ASPH: variants seen among roughly 807,000 people sequenced by gnomAD.
The protein encoded by ASPH is aspartyl/asparaginyl beta-hydroxylase.
In ASPH, 100 loss-of-function variants were observed where a neutral mutation model predicts 118.4. The observed-to-expected ratio is 0.84, with a 90% CI of 0.72 to 1.00. The LOEUF is 1.00. ASPH is among the 50% of genes least tolerant of loss of function. The probability of loss-of-function intolerance (pLI) is 0.00; values close to 1 mark genes in which losing one functional copy is unlikely to be tolerated. For missense variants in ASPH, 920 were observed against 919.5 expected, an observed-to-expected ratio of 1.00 and a Z score of -0.01; for synonymous variants, 315 against 325.6, an observed-to-expected ratio of 0.97 and a Z score of 0.35.
intron 1 of ASPH, chr8:61,684,440 T>C: frequency 2.9e-6 from 1 of 347,960 alleles, no homozygotes. Flanking sequence ...TAGTATAATA[T>C]GTATATTCCA....
At chr8:61,554,148 C>T (rs958465660) in intron 19 of ASPH, among the ~76,000 whole-genome samples, 12 of 152,226 alleles carry the variant, frequency 7.9e-5, no homozygotes, top group African/African-American at 2.4e-4. Flanking sequence ...CTTTAAATCA[C>T]AGAAACCCAC....
intron 3 of ASPH, among the ~76,000 whole-genome samples, chr8:61,676,872 A>G (rs1825665402): frequency 6.6e-6 from 1 of 151,998 alleles, no homozygotes; most frequent in South Asian, 2.1e-4. Context: ...TTCTGGAGTT[A>G]ATATAATTAG....
At chr8:61,707,052 C>T (rs2151908530) in intron 1 of ASPH, among the ~76,000 whole-genome samples, 1 of 152,228 alleles carries the variant, frequency 6.6e-6, no homozygotes, top group Non-Finnish European at 1.5e-5. Context: ...TAATTCATAA[C>T]ATCTGTGTTA....
intron 4 of ASPH, 129 bp downstream of exon 4, chr8:61,653,439 G>C (rs1812101410): frequency 3.6e-6 from 3 of 842,456 alleles, no homozygotes. Context: ...TTTCAGAAGA[G>C]AAAAAAAGTA....
chr8:61,625,296 C>T (rs1486786628), intron 13 of ASPH: 2 of 985,688 alleles, frequency 2.0e-6, no homozygotes, highest in Non-Finnish European at 2.4e-6. Context: ...AGGCATCGGG[C>T]TCTGTGAGCT....
intron 21 of ASPH, 116 bp from the exon 22 acceptor site, chr8:61,526,228 T>A: frequency 7.5e-7 from 1 of 1,325,452 alleles, no homozygotes; most frequent in Non-Finnish European, 1.0e-6. Context: ...TTGCCTTATC[T>A]AGATTGCTTA....
chr8:61,503,309 C>A lies in ASPH; in HGVS notation c.*50G>T. 4 of 1,553,974 alleles carry A rather than the reference C, an allele frequency of 2.6e-6. No individual in the cohort carries two copies. The highest frequency in any genetic ancestry group is 3.5e-6 in the Non-Finnish European group (4 of 1,145,114). The stretch of plus-strand genomic sequence containing the variant: ...TATCCTCACACCCAAGGAGATGGAA[C>A]CAGAAAGGCAGCCTCTCTCCAGAGT... On this transcript the variant is annotated 3_prime_UTR_variant, in exon 25 of 25. Transcript: ENST00000379454.
At position 61,658,790 on chromosome 8, in the gene ASPH, A is replaced by G. The variant is rs937598024; in HGVS notation, c.323-5130T>C. ...TTTTGGGTTCTTCAAAAACACACAC[A>G]CACGGTTTTCTTCTTCCTAATATTC... On this transcript the variant is annotated intron_variant, in intron 3 of 24. Transcript: ENST00000379454. 4 of 152,226 alleles carry G rather than the reference A, an allele frequency of 2.6e-5. No individual in the cohort carries two copies. In the East Asian group the frequency reaches 7.7e-4, roughly 29 times the overall value. 9.4% of individuals were successfully genotyped at this position (152,226 alleles called of 1,614,324 possible).
intron 1 of ASPH, among the ~76,000 whole-genome samples, chr8:61,691,895 A>T (rs113777533): frequency 3.3e-5 from 5 of 152,306 alleles, no homozygotes; most frequent in African/African-American, 1.2e-4. Flanking sequence ...CTGCCCCTGC[A>T]ACTGCTGGAG....
intron 24 of ASPH, among the ~76,000 whole-genome samples, chr8:61,505,538 T>C (rs193072067): frequency 6.6e-6 from 1 of 151,492 alleles, no homozygotes; most frequent in East Asian, 1.9e-4. Flanking sequence ...CCTCCCACCA[T>C]GATTCTGAGT....
At chr8:61,651,802 A>T (rs4515541) in intron 4 of ASPH, among the ~76,000 whole-genome samples, 72,757 of 152,098 alleles carry the variant, frequency 0.48, 17,711 homozygotes, top group Middle Eastern at 0.53. Flanking sequence ...TGTGGTGCTT[A>T]TCAGATTATT....
intron 12 of ASPH, among the ~76,000 whole-genome samples, chr8:61,635,459 AC>A (rs1554703139): frequency 1.3e-5 from 2 of 151,276 alleles, no homozygotes; most frequent in Non-Finnish European, 2.9e-5. Flanking sequence ...GGCATATTCA[AC>A]CCCCCACTTG....
intron 1 of ASPH, among the ~76,000 whole-genome samples, chr8:61,696,464 G>A (rs1269754688): frequency 2.0e-5 from 3 of 152,148 alleles, no homozygotes; most frequent in Non-Finnish European, 2.9e-5. Flanking sequence ...CAGAGAATGT[G>A]AATCAAAATA....
chr8:61,542,644 C>T (rs1347082484), intron 21 of ASPH, among the ~76,000 whole-genome samples: 1 of 152,082 alleles, frequency 6.6e-6, no homozygotes, highest in East Asian at 1.9e-4. Flanking sequence ...CTAATAAAAA[C>T]ACATATATTA....
chr8:61,644,460 A>G, intron 7 of ASPH, 140 bp downstream of exon 7: 1 of 606,240 alleles, frequency 1.6e-6, no homozygotes, highest in Non-Finnish European at 2.5e-6. Flanking sequence ...CATAAATATA[A>G]GACGTAATAA....
chr8:61,591,022 G>A (rs993810041), intron 14 of ASPH, among the ~76,000 whole-genome samples: 2 of 151,894 alleles, frequency 1.3e-5, no homozygotes, highest in Non-Finnish European at 2.9e-5. Context: ...TCATGCTGGC[G>A]GTATATACAC....
intron 24 of ASPH, 30 bp from the exon 25 acceptor site, chr8:61,503,539 A>T: frequency 6.3e-7 from 1 of 1,593,266 alleles, no homozygotes; most frequent in Non-Finnish European, 8.6e-7. Flanking sequence ...ATTCCTGAAT[A>T]TAGTTTTGTG....
intron 14 of ASPH, among the ~76,000 whole-genome samples, chr8:61,612,260 C>A (rs376006333): frequency 1.3e-5 from 2 of 151,920 alleles, no homozygotes; most frequent in East Asian, 3.9e-4. Context: ...GAAAACTTTA[C>A]TAGATGAGCT....
chr8:61,689,635 A>C (rs746148222), intron 1 of ASPH: 146 of 1,554,134 alleles, frequency 9.4e-5, no homozygotes, highest in Non-Finnish European at 1.1e-4. Flanking sequence ...TGTCAGCTAG[A>C]TCTAAAGCCA....
Sources: allele counts gnomAD v4.1 joint callset (sites outside exome capture counted in the v4.1 genomes callset), GRCh38; gene constraint gnomAD v4.1.1; transcripts MANE v1.5; gene names NCBI Gene and HGNC (gene_info 2026-07-23, HGNC 2026-07-21).